The following SRD5A2 variants were observed in gnomAD, a reference collection of about 807,000 sequenced individuals.
SRD5A2 encodes the protein 3-oxo-5-alpha-steroid 4-dehydrogenase 2.
Under a neutral mutation model 27.4 loss-of-function variants are expected in SRD5A2, and 30 were observed. The ratio of observed to expected loss-of-function variants is 1.10; its 90% CI spans 0.82 to 1.49. The LOEUF (loss-of-function observed/expected upper bound fraction) is 1.49. Among genes scored for constraint, SRD5A2 ranks in the 40% most tolerant of loss-of-function variants. The pLI is 0.00. For missense variants in SRD5A2, 348 were observed against 323.4 expected, an observed-to-expected ratio of 1.08 and a Z score of -0.58; for synonymous variants, 141 against 133.6, an observed-to-expected ratio of 1.06 and a Z score of -0.38.
chr2:31,524,981 T>G lies in SRD5A2; in HGVS notation c.*1215A>C, dbSNP rs575776180. ...TGTTCAGATCCTCCAACTTTTTAAA[T>G]GAAACTAGAATGCTAGAGTTTTATG... On this transcript the variant is annotated 3_prime_UTR_variant, in exon 5 of 5. Transcript: ENST00000622030. 1.9e-4 allele frequency: 41 copies of G among 219,772 alleles called. No individual in the cohort carries two copies. The highest frequency in any genetic ancestry group is 1.7e-3 in the Admixed American group (30 of 17,286). 13.6% of individuals were successfully genotyped at this position (219,772 alleles called of 1,614,324 possible).
At chr2:31,543,077 A>G (rs1236867518) in intron 1 of SRD5A2, among the ~76,000 whole-genome samples, 2 of 152,168 alleles carry the variant, frequency 1.3e-5, no homozygotes, top group Non-Finnish European at 2.9e-5. Flanking sequence ...GTCACATACC[A>G]AGCATCTGCA....
the SRD5A2 span, among the ~76,000 whole-genome samples, chr2:31,629,130 C>T: frequency 1.3e-5 from 2 of 152,162 alleles, no homozygotes; most frequent in Non-Finnish European, 2.9e-5. Flanking sequence ...GAATAATCAG[C>T]ACTAACCATC....
intron 1 of SRD5A2, among the ~76,000 whole-genome samples, chr2:31,560,172 C>A (rs1666592268): frequency 2.7e-5 from 4 of 150,042 alleles, no homozygotes; most frequent in Non-Finnish European, 5.9e-5. Context: ...TATATGAACT[C>A]TTTCTGAAGT....
the SRD5A2 span, among the ~76,000 whole-genome samples, chr2:31,589,091 C>T: frequency 1.3e-5 from 2 of 152,164 alleles, no homozygotes; most frequent in Non-Finnish European, 2.9e-5. Context: ...GAACACACAT[C>T]CCCACTGGGG....
the SRD5A2 span, among the ~76,000 whole-genome samples, chr2:31,595,948 A>T: frequency 2.0e-5 from 3 of 152,240 alleles, no homozygotes; most frequent in Non-Finnish European, 4.4e-5. Flanking sequence ...ATTTATAAAC[A>T]AAAATCATAT....
At chr2:31,550,742 A>G (rs1030988817) in intron 1 of SRD5A2, among the ~76,000 whole-genome samples, 1 of 152,028 alleles carries the variant, frequency 6.6e-6, no homozygotes, top group African/African-American at 2.4e-5. Flanking sequence ...AACTTCCTGA[A>G]CTTGATAAGG....
At chr2:31,603,485 T>C in the SRD5A2 span, among the ~76,000 whole-genome samples, 3 of 152,080 alleles carry the variant, frequency 2.0e-5, 1 homozygote. Context: ...GACAGTGTAG[T>C]AATTCCTCAA....
the SRD5A2 span, among the ~76,000 whole-genome samples, chr2:31,587,872 C>T: frequency 6.6e-6 from 1 of 152,050 alleles, no homozygotes; most frequent in Non-Finnish European, 1.5e-5. Context: ...ATGTAACAAA[C>T]CTGTATGTTC....
At chr2:31,621,706 A>C in the SRD5A2 span, among the ~76,000 whole-genome samples, 1 of 152,090 alleles carries the variant, frequency 6.6e-6, no homozygotes, top group African/African-American at 2.4e-5. Context: ...ATCATAGCTC[A>C]CTGTAACCTT....
rs28383047 is a variant in SRD5A2, at chr2:31,533,891, C to A, written c.282-125G>T. The A allele has an allele frequency of 4.8e-3, 5,072 of 1,060,364 alleles. 151 individuals are homozygous for A. In the African/African-American group the frequency reaches 0.068, roughly 14 times the overall value. The allele number at this position is 1,060,364 out of a possible 1,614,324, so 65.7% of individuals were successfully genotyped here. A position where few individuals can be genotyped will look rare whatever the true frequency, so the allele number is the denominator to read the frequency against. ...CAGGCTCTGCCATTTCGCCTTAACC[C>A]AATACAAATTATCTTCTCCAGGAGG... On this transcript the variant is annotated intron_variant, in intron 1 of 4. Transcript: ENST00000622030.
chr2:31,595,004 G>T, the SRD5A2 span, among the ~76,000 whole-genome samples: 1 of 152,090 alleles, frequency 6.6e-6, no homozygotes, highest in Non-Finnish European at 1.5e-5. Flanking sequence ...TAAATTCCTT[G>T]ATCTGAAAGA....
the SRD5A2 span, among the ~76,000 whole-genome samples, chr2:31,621,682 A>G: frequency 6.6e-6 from 1 of 152,112 alleles, no homozygotes; most frequent in African/African-American, 2.4e-5. Context: ...CCCAGACTAG[A>G]GTGCAGTGCC....
chr2:31,581,786 G>A (rs1369872210), upstream of SRD5A2, among the ~76,000 whole-genome samples: 1 of 152,120 alleles, frequency 6.6e-6, no homozygotes, highest in African/African-American at 2.4e-5. Flanking sequence ...CCAGCTCCTA[G>A]AGCCAATGAG....
the SRD5A2 span, among the ~76,000 whole-genome samples, chr2:31,588,022 G>A: frequency 6.6e-6 from 1 of 151,994 alleles, no homozygotes; most frequent in African/African-American, 2.4e-5. Flanking sequence ...TCAAGCAGAA[G>A]AATTAGTGAG....
chr2:31,573,087 C>T (rs1666885334), intron 1 of SRD5A2, among the ~76,000 whole-genome samples: 1 of 152,102 alleles, frequency 6.6e-6, no homozygotes, highest in Non-Finnish European at 1.5e-5. Context: ...CATCATGTCC[C>T]CACCCAGAAA....
the SRD5A2 span, among the ~76,000 whole-genome samples, chr2:31,620,187 A>T: frequency 3.3e-5 from 5 of 152,158 alleles, no homozygotes; most frequent in Admixed American, 6.6e-5. Context: ...AACATACCTC[A>T]AAAGAATAAG....
At chr2:31,544,232 T>TAATAGTTAAAG (rs1181643510) in intron 1 of SRD5A2, among the ~76,000 whole-genome samples, 3 of 151,920 alleles carry the variant, frequency 2.0e-5, no homozygotes, top group Non-Finnish European at 4.4e-5. Flanking sequence ...ATTTCTGCAA[T>TAATAGTTAAAG]AATAGTTAAA....
the SRD5A2 span, among the ~76,000 whole-genome samples, chr2:31,631,043 G>A: frequency 1.3e-5 from 2 of 152,190 alleles, no homozygotes; most frequent in Non-Finnish European, 2.9e-5. Context: ...AAGCCTTAAA[G>A]TACTTACAGA....
chr2:31,529,479 G>A (rs2148063658), intron 3 of SRD5A2, 22 bp from the exon 4 acceptor site: 1 of 1,607,204 alleles, frequency 6.2e-7, no homozygotes, highest in Non-Finnish European at 8.5e-7. Flanking sequence ...AGAATCGGAA[G>A]GTCAATCATT....
Sources: allele counts gnomAD v4.1 joint callset (sites outside exome capture counted in the v4.1 genomes callset), GRCh38; gene constraint gnomAD v4.1.1; transcripts MANE v1.5; gene names NCBI Gene and HGNC (gene_info 2026-07-23, HGNC 2026-07-21).